Variants in MAGIX observed in about 807,000 individuals in gnomAD.
The protein encoded by MAGIX is PDZ domain-containing protein MAGIX.
Under a neutral mutation model 10.0 loss-of-function variants are expected in MAGIX, and 13 were observed. The observed-to-expected ratio is 1.30, with a 90% CI of 0.84 to 2.06. The LOEUF is 2.06. Ranked by LOEUF, MAGIX falls within the 30% of genes most tolerant of loss-of-function variation. The pLI is 0.00. For missense variants in MAGIX, 235 were observed against 245.2 expected (o/e 0.96, Z 0.28); for synonymous variants, 108 against 106.8 (o/e 1.01, Z -0.07).
At chrX:49,166,705 C>A (rs782206569) in exon 5 of MAGIX, 51 of 255,486 alleles carry the variant, frequency 2.0e-4, no homozygotes, top group Non-Finnish European at 3.1e-4. Context: ...GTGGGTCGAT[C>A]CTGCTTGAGT....
At chrX:49,164,010 C>A (rs1413937681) in intron 2 of MAGIX, 81 bp downstream of exon 2, 28 of 920,469 alleles carry the variant, frequency 3.0e-5, no homozygotes, top group Non-Finnish European at 3.7e-5. Context: ...GGGGGGTCAG[C>A]AGCTACTGCC....
exon 2 of MAGIX, chrX:49,163,806 G>C: frequency 1.9e-6 from 2 of 1,051,946 alleles, no homozygotes; most frequent in Non-Finnish European, 2.4e-6. Context: ...CCCGCTCGCG[G>C]GCCCTAGCGC....
At chrX:49,164,823 C>T in exon 3 of MAGIX, 1 of 1,209,763 alleles carries the variant, frequency 8.3e-7, no homozygotes, top group Non-Finnish European at 1.1e-6. Context: ...AGGCCTCCTG[C>T]CTCAGGGCAA....
chrX:49,164,837 A>G lies in MAGIX; in HGVS notation c.77A>G (p.Tyr26Cys), dbSNP rs782383690. Residue 26 changes from tyrosine to cysteine, a missense_variant, in exon 3 of 5, where the codon TAT becomes TGT. Tyr to Cys is a radical substitution (Grantham distance 194). Transcript: ENST00000616266. The stretch of plus-strand genomic sequence containing the variant: ...GAGGCCTCCTGCCTCAGGGCAAACT[A>G]TGTACACCTGTGTCCTTTATTCCAG... 11 of 1,208,732 alleles carry G rather than the reference A, an allele frequency of 9.1e-6. No individual in the cohort carries two copies. In the South Asian group the frequency reaches 1.4e-4, roughly 15 times the overall value.
At chrX:49,165,331 C>A in exon 4 of MAGIX, 1 of 1,177,755 alleles carries the variant, frequency 8.5e-7, no homozygotes. Context: ...TGGCAAGCCT[C>A]GAGGGGTGGG....
chrX:49,165,201 C>T (rs782405681), exon 4 of MAGIX: 6 of 1,190,349 alleles, frequency 5.0e-6, no homozygotes, highest in South Asian at 3.7e-5. Context: ...TCGGGGACCT[C>T]GTGCTCCACA....
chrX:49,163,991 G>A, intron 2 of MAGIX, 62 bp downstream of exon 2: 2 of 966,080 alleles, frequency 2.1e-6, no homozygotes, highest in South Asian at 4.0e-5. Context: ...GGTTCAGTGG[G>A]ACAGGCCTGG....
In MAGIX at chrX:49,164,735, A is replaced by G. The variant is rs782350696; in HGVS notation, c.-26A>G. 3 of 1,210,160 alleles carry G rather than the reference A, an allele frequency of 2.5e-6. No individual in the cohort carries two copies. The Admixed American group carries it at 6.5e-5, about 26-fold the overall frequency. ...TTAGCGTGCTGGACTCTGCGGACAT[A>G]GAGGTCACAGACAGTCGCCTGCCTC... On this transcript the variant is annotated 5_prime_UTR_variant, in exon 3 of 5. Transcript: ENST00000616266.
At position 49,163,776 on chromosome X, in the gene MAGIX, CG is replaced by C; in HGVS notation, c.-201-6del. The C allele has an allele frequency of 9.6e-7, 1 of 1,044,011 alleles. No homozygotes were observed. Among genetic ancestry groups the C allele is most frequent in the Non-Finnish European group, 1.2e-6 (1 of 818,228 alleles). The allele number at this position is 1,044,011 out of a possible 1,213,427, so 86.0% of individuals were successfully genotyped here. On this transcript the variant is annotated splice_region_variant and splice_polypyrimidine_tract_variant and intron_variant, in intron 1 of 4. Coordinates refer to ENST00000616266, the Ensembl canonical transcript of MAGIX. ...GTCGGCGTTGACCTGTCCCCTCTTG[CG>C]CGCAGGCCGCGGCCCCTCCCCGCTC...
intron 4 of MAGIX, 99 bp from the exon 6 acceptor site, chrX:49,165,975 T>C (rs1016778239): frequency 7.2e-6 from 6 of 838,496 alleles, no homozygotes; most frequent in Non-Finnish European, 1.0e-5. Flanking sequence ...TCTCTAAGGG[T>C]CAGGGTCTCA....
chrX:49,163,783 G>T, exon 2 of MAGIX: 1 of 1,046,086 alleles, frequency 9.6e-7, no homozygotes, highest in Non-Finnish European at 1.2e-6. Context: ...TTGCGCGCAG[G>T]CCGCGGCCCC....
intron 1 of MAGIX, chrX:49,163,558 A>T: frequency 3.7e-6 from 1 of 269,190 alleles, no homozygotes; most frequent in Non-Finnish European, 6.5e-6. Context: ...GCAGTCAAAC[A>T]GCGATCTCCA....
chrX:49,165,902 G>A lies in MAGIX; in HGVS notation c.503-172G>A, dbSNP rs1009834305. 2.5e-5 allele frequency: 11 copies of A among 446,462 alleles called. No individual in the cohort carries two copies. In the East Asian group the frequency reaches 3.0e-4, roughly 12 times the overall value. 36.8% of individuals were successfully genotyped at this position (446,462 alleles called of 1,213,427 possible). The stretch of plus-strand genomic sequence containing the variant: ...CTGGATCCAGGAGGGGAGGGGTCTC[G>A]GGAAAGGAGGTGTCGGGGTTGTGAG... On this transcript the variant is annotated intron_variant, in intron 4 of 4. Transcript: ENST00000616266.
At chrX:49,164,682 C>G in intron 2 of MAGIX, 25 bp from the exon 3 acceptor site, 1 of 1,185,857 alleles carries the variant, frequency 8.4e-7, no homozygotes, top group South Asian at 1.8e-5. Flanking sequence ...CCCCAACAGC[C>G]CTCTCCACTG....
At chrX:49,166,326 T>C in exon 5 of MAGIX, 3 of 1,173,447 alleles carry the variant, frequency 2.6e-6, no homozygotes, top group Non-Finnish European at 3.4e-6. Context: ...GAGGAACGGC[T>C]CTCGCGGGCC....
Position 49,163,942 on chromosome X carries a change from C to T in MAGIX, c.-55+13C>T, listed in dbSNP as rs1557096925. 5 of 1,006,904 alleles carry T rather than the reference C, an allele frequency of 5.0e-6. No individual in the cohort carries two copies. The South Asian group carries it at 1.4e-4, about 28-fold the overall frequency. 83.0% of individuals were successfully genotyped at this position (1,006,904 alleles called of 1,213,427 possible). A position where few individuals can be genotyped will look rare whatever the true frequency, so the allele number is the denominator to read the frequency against. ...CGCCGGAAGGAGGGTGAGTGACTGG[C>T]GCAGGGCCTCCGCTGGGGGAGGGTT... On this transcript the variant is annotated intron_variant, in intron 2 of 4. Coordinates refer to ENST00000616266, the Ensembl canonical transcript of MAGIX.
Position 49,166,346 on chromosome X carries a change from C to CG in MAGIX, c.781dup (p.Ala261GlyfsTer88), listed in dbSNP as rs1321319432. On this transcript the variant is annotated frameshift_variant, in exon 5 of 5. Coordinates refer to ENST00000616266, the Ensembl canonical transcript of MAGIX. LOFTEE classifies it high-confidence loss of function. ...ACGGCTCTCGCGGGCCCTAGGGGTC[C>CG]GGGGGGCAGCGCAGCTCGCTCAGGA... 2.6e-6 allele frequency: 3 copies of CG among 1,162,735 alleles called. No homozygotes were observed. The highest frequency in any genetic ancestry group is 3.6e-5 in the African/African-American group (2 of 55,987).
intron 2 of MAGIX, 107 bp from the exon 3 acceptor site, chrX:49,164,599 AG>A (rs1229356332): frequency 2.4e-5 from 16 of 672,348 alleles, no homozygotes; most frequent in Middle Eastern, 6.1e-4. Context: ...TATGAGCTGC[AG>A]GGGCAAGACA....
chrX:49,168,389 A>T (rs1476543301), exon 5 of MAGIX: 2 of 100,654 alleles, frequency 2.0e-5, no homozygotes, highest in East Asian at 6.4e-4. Context: ...AATTGCTTGA[A>T]CCCAGGAGGT....
Sources: gnomAD v4.1 joint callset for allele counts on GRCh38, gnomAD v4.1.1 for gene constraint, MANE v1.5 for transcripts, NCBI Gene and HGNC (gene_info 2026-07-23, HGNC 2026-07-21) for gene names.